KCNQ3: variants seen among roughly 807,000 people sequenced by gnomAD.
KCNQ3 encodes the protein potassium voltage-gated channel subfamily Q member 3.
In KCNQ3, 30 loss-of-function variants were observed where a neutral mutation model predicts 92.5. The ratio of observed to expected loss-of-function variants is 0.32; its 90% CI spans 0.24 to 0.44. The LOEUF (loss-of-function observed/expected upper bound fraction) is 0.44, where lower values mean the gene tolerates loss of function less well. Among genes scored for constraint, KCNQ3 ranks in the 20% least tolerant of loss-of-function variants. The probability of loss-of-function intolerance (pLI) is 1.00; values close to 1 mark genes in which losing one functional copy is unlikely to be tolerated. For missense variants in KCNQ3, 913 were observed against 1,140.3 expected (o/e 0.80, Z 2.87); for synonymous variants, 450 against 468.8 (o/e 0.96, Z 0.52).
In KCNQ3 at chr8:132,211,779, C is replaced by T. The variant is rs534722629; in HGVS notation, c.387-25598G>A. On this transcript the variant is annotated intron_variant, in intron 1 of 14. Coordinates refer to ENST00000388996, the MANE Select transcript of KCNQ3 (RefSeq NM_004519.4). ...CAGCCTGACCAACATAGTGACACCC[C>T]ATCTCCACTAAAAATACAAAAAAAT... Among the ~76,000 whole-genome samples, 9 of 151,934 alleles carry T rather than the reference C, an allele frequency of 5.9e-5. No homozygotes were observed. The East Asian group carries it at 1.7e-3, about 29-fold the overall frequency.
intron 1 of KCNQ3, among the ~76,000 whole-genome samples, chr8:132,229,203 G>A (rs1328463804): frequency 6.6e-6 from 1 of 151,350 alleles, no homozygotes; most frequent in East Asian, 1.9e-4. Flanking sequence ...GCAGTGAGCT[G>A]AGATGGTGAG....
chr8:132,291,140 C>T (rs116603438), intron 1 of KCNQ3, among the ~76,000 whole-genome samples: 3 of 152,152 alleles, frequency 2.0e-5, no homozygotes, highest in African/African-American at 4.8e-5. Context: ...GAAAGGGAGA[C>T]AGCAAATTGA....
At chr8:132,412,580 GC>G (rs1252713596) in intron 1 of KCNQ3, among the ~76,000 whole-genome samples, 5 of 152,180 alleles carry the variant, frequency 3.3e-5, no homozygotes, top group African/African-American at 1.2e-4. Context: ...AAAGAAGTGT[GC>G]ATATTTGTGC....
At chr8:132,173,076 C>T (rs1826435560) in intron 6 of KCNQ3, among the ~76,000 whole-genome samples, 2 of 152,214 alleles carry the variant, frequency 1.3e-5, no homozygotes, top group Admixed American at 1.3e-4. Flanking sequence ...AGGGGTACTG[C>T]ACAAAATAGA....
chr8:132,306,764 T>C (rs1309603718), intron 1 of KCNQ3, among the ~76,000 whole-genome samples: 1 of 152,186 alleles, frequency 6.6e-6, no homozygotes, highest in South Asian at 2.1e-4. Flanking sequence ...TCTTGAGTAA[T>C]AGTCCTTAAT....
intron 1 of KCNQ3, among the ~76,000 whole-genome samples, chr8:132,381,027 G>A (rs1819737286): frequency 6.6e-6 from 1 of 151,716 alleles, no homozygotes; most frequent in South Asian, 2.1e-4. Flanking sequence ...ATAGAGCAAA[G>A]GGAAAATGGG....
intron 1 of KCNQ3, among the ~76,000 whole-genome samples, chr8:132,418,091 A>T (rs1267635467): frequency 6.6e-6 from 1 of 152,174 alleles, no homozygotes; most frequent in African/African-American, 2.4e-5. Context: ...GACACTTAGC[A>T]TGCTGGCACT....
At chr8:132,453,981 G>T (rs768558405) in intron 1 of KCNQ3, among the ~76,000 whole-genome samples, 1 of 152,212 alleles carries the variant, frequency 6.6e-6, no homozygotes, top group African/African-American at 2.4e-5. Context: ...ACACTGCAAG[G>T]CCAAAGGGAT....
At chr8:132,234,684 T>C (rs919782986) in intron 1 of KCNQ3, among the ~76,000 whole-genome samples, 1 of 152,184 alleles carries the variant, frequency 6.6e-6, no homozygotes, top group Admixed American at 6.5e-5. Context: ...ATTGAGAAAC[T>C]AAGGCTCAGA....
intron 1 of KCNQ3, among the ~76,000 whole-genome samples, chr8:132,294,915 A>G (rs1301224292): frequency 2.6e-5 from 4 of 152,250 alleles, no homozygotes; most frequent in South Asian, 4.1e-4. Flanking sequence ...TAAAGTCTTA[A>G]GTGTAAAACC....
intron 7 of KCNQ3, 124 bp from the exon 8 acceptor site, chr8:132,170,552 A>G: frequency 1.5e-6 from 1 of 689,080 alleles, no homozygotes; most frequent in Non-Finnish European, 2.6e-6. Context: ...GCATTGAGCC[A>G]ACATTCAGAA....
chr8:132,217,875 A>T (rs1014521328), intron 1 of KCNQ3, among the ~76,000 whole-genome samples: 2 of 152,164 alleles, frequency 1.3e-5, no homozygotes, highest in Non-Finnish European at 2.9e-5. Context: ...ATAAATAGAT[A>T]AGGATCATTT....
At chr8:132,150,863 C>A (rs1027706177) in intron 9 of KCNQ3, among the ~76,000 whole-genome samples, 10 of 151,734 alleles carry the variant, frequency 6.6e-5, no homozygotes, top group African/African-American at 2.4e-4. Flanking sequence ...GTAAAAAGAT[C>A]TTTAATTAAT....
chr8:132,136,862 C>CT (rs34845943), intron 12 of KCNQ3, among the ~76,000 whole-genome samples: 46,047 of 123,404 alleles, frequency 0.37, 10,572 homozygotes, highest in Non-Finnish European at 0.5. Flanking sequence ...GGCTGCATAA[C>CT]TTTTTTTTTT....
chr8:132,198,795 G>A (rs987795529), intron 1 of KCNQ3, among the ~76,000 whole-genome samples: 6 of 151,964 alleles, frequency 3.9e-5, no homozygotes, highest in Non-Finnish European at 1.5e-5. Flanking sequence ...CAATAAAACT[G>A]GACTTCATCT....
chr8:132,311,484 C>T (rs1221662533), intron 1 of KCNQ3, among the ~76,000 whole-genome samples: 1 of 152,212 alleles, frequency 6.6e-6, no homozygotes, highest in African/African-American at 2.4e-5. Context: ...AGCTCCCTGT[C>T]CTGTGTCCTT....
chr8:132,401,361 A>G (rs1182505614), intron 1 of KCNQ3, among the ~76,000 whole-genome samples: 1 of 150,558 alleles, frequency 6.6e-6, no homozygotes, highest in East Asian at 2.0e-4. Flanking sequence ...ACAAATGCCA[A>G]TATTTGGGAG....
chr8:132,435,622 G>A (rs566336065), intron 1 of KCNQ3, among the ~76,000 whole-genome samples: 14 of 152,310 alleles, frequency 9.2e-5, no homozygotes, highest in African/African-American at 2.6e-4. Flanking sequence ...AACCTAGACC[G>A]AGTAGTGAAC....
chr8:132,308,957 T>C (rs1255369863), intron 1 of KCNQ3, among the ~76,000 whole-genome samples: 2 of 152,202 alleles, frequency 1.3e-5, no homozygotes, highest in African/African-American at 2.4e-5. Context: ...AAAATTATTG[T>C]TCCTGGTTGT....
Sources: gnomAD v4.1 joint callset for allele counts (sites outside exome capture counted in the v4.1 genomes callset) on GRCh38, gnomAD v4.1.1 for gene constraint, MANE v1.5 for transcripts, NCBI Gene and HGNC (gene_info 2026-07-23, HGNC 2026-07-21) for gene names.